Variants in RAB11FIP4 observed in about 807,000 individuals in gnomAD.
RAB11FIP4 encodes the protein RAB11 family interacting protein 4, also known as rab11 family-interacting protein 4.
A neutral mutation model predicts 74.3 loss-of-function variants in RAB11FIP4; 23 were observed. That is an observed-to-expected ratio of 0.31 (90% CI 0.22 to 0.44). RAB11FIP4 has a LOEUF of 0.44. Ranked by LOEUF, RAB11FIP4 falls within the 20% of genes least tolerant of loss-of-function variation. RAB11FIP4 has a pLI of 1.00. For synonymous variants in RAB11FIP4, 360 were observed against 359.9 expected (o/e 1.00, Z 0.00); for missense variants, 630 against 863.9 (o/e 0.73, Z 3.39).
chr17:31,453,502 T>A (rs112168052), intron 3 of RAB11FIP4, among the ~76,000 whole-genome samples: 3,301 of 152,074 alleles, frequency 0.022, 107 homozygotes, highest in African/African-American at 0.07. Context: ...CCTCACTTTC[T>A]TCACTTGCTA....
intron 14 of RAB11FIP4, among the ~76,000 whole-genome samples, 187 bp from the exon 15 acceptor site, chr17:31,531,429 G>C (rs988343126): frequency 7.9e-5 from 12 of 152,166 alleles, no homozygotes; most frequent in African/African-American, 2.9e-4. Flanking sequence ...GGTAATACTA[G>C]GGGCTGAGCC....
chr17:31,404,154 G>A lies in RAB11FIP4; in HGVS notation c.159+12143G>A, dbSNP rs114229267. On this transcript the variant is annotated intron_variant, in intron 1 of 14. Coordinates refer to ENST00000621161, the MANE Select transcript of RAB11FIP4 (RefSeq NM_032932.6). Reference sequence around the variant, plus strand: ...AGGTAATCCTCTGCAGGCCCAGGCTGTGTGGGGCTGAGTCTTCTTTGTCTC... The same window carrying A: ...AGGTAATCCTCTGCAGGCCCAGGCTATGTGGGGCTGAGTCTTCTTTGTCTC... Among the ~76,000 whole-genome samples, 976 of 152,356 alleles carry A rather than the reference G, an allele frequency of 6.4e-3. 8 individuals are homozygous for A. Among genetic ancestry groups the A allele is most frequent in the African/African-American group, 0.021 (873 of 41,578 alleles).
chr17:31,493,339 A>G (rs2072048441), intron 3 of RAB11FIP4, among the ~76,000 whole-genome samples: 1 of 152,166 alleles, frequency 6.6e-6, no homozygotes, highest in Admixed American at 6.5e-5. Flanking sequence ...AGGCCTAAAC[A>G]GAACTGGAGT....
Position 31,453,622 on chromosome 17 carries a change from C to T in RAB11FIP4, c.336+19500C>T, listed in dbSNP as rs532703814. Among the ~76,000 whole-genome samples, 365 of 151,384 alleles carry T rather than the reference C, an allele frequency of 2.4e-3. 1 individual carries two copies. Among genetic ancestry groups the T allele is most frequent in the Middle Eastern group, 0.017 (5 of 292 alleles). Reference sequence around the variant, plus strand: ...GGTGAATTACATGAGGTCAGGAGTTCGAGACCAGCCTGGCCAACATGGTGA... The same window carrying T: ...GGTGAATTACATGAGGTCAGGAGTTTGAGACCAGCCTGGCCAACATGGTGA... On this transcript the variant is annotated intron_variant, in intron 3 of 14. Coordinates refer to ENST00000621161, the MANE Select transcript of RAB11FIP4 (RefSeq NM_032932.6).
At chr17:31,437,529 G>A (rs2071371140) in intron 3 of RAB11FIP4, among the ~76,000 whole-genome samples, 1 of 152,144 alleles carries the variant, frequency 6.6e-6, no homozygotes, top group Non-Finnish European at 1.5e-5. Context: ...CCCAGGGAAC[G>A]CAAACCTGAG....
At chr17:31,437,452 C>T in intron 3 of RAB11FIP4, among the ~76,000 whole-genome samples, 1 of 152,120 alleles carries the variant, frequency 6.6e-6, no homozygotes, top group African/African-American at 2.4e-5. Context: ...TTAGCTGTCC[C>T]CTAGGGGTCA....
chr17:31,528,620 C>G lies in RAB11FIP4; in HGVS notation c.1495C>G (p.Leu499Val). The G allele has an allele frequency of 6.2e-7, 1 of 1,613,524 alleles. No individual in the cohort carries two copies. The highest frequency in any genetic ancestry group is 1.1e-5 in the South Asian group (1 of 91,054). ...FQKEREATQE[L>V]IEDLRKELEH... Reference sequence around the variant, plus strand: ...GCCAACCTGCTTCTCTCCCTCGCAGCTCATCGAGGACTTGCGGAAGGAGCT... The same window carrying G: ...GCCAACCTGCTTCTCTCCCTCGCAGGTCATCGAGGACTTGCGGAAGGAGCT... Residue 499 changes from leucine (L) to valine (V), a missense_variant and splice_region_variant, in exon 13 of 15, where the codon CTC becomes GTC. Coordinates refer to ENST00000621161, the MANE Select transcript of RAB11FIP4 (RefSeq NM_032932.6).
intron 3 of RAB11FIP4, among the ~76,000 whole-genome samples, chr17:31,442,896 G>C (rs917777812): frequency 6.6e-6 from 1 of 150,776 alleles, no homozygotes; most frequent in South Asian, 2.1e-4. Context: ...AGAGGCGGAG[G>C]TTGCAGTGAG....
At chr17:31,444,988 G>A (rs1428311108) in intron 3 of RAB11FIP4, among the ~76,000 whole-genome samples, 3 of 152,240 alleles carry the variant, frequency 2.0e-5, no homozygotes, top group Middle Eastern at 3.4e-3. Flanking sequence ...GATGTTCTCC[G>A]AGAAAGCACG....
intron 1 of RAB11FIP4, among the ~76,000 whole-genome samples, chr17:31,426,599 CTT>C (rs59839758): frequency 5.7e-5 from 7 of 122,058 alleles, no homozygotes; most frequent in African/African-American, 6.4e-5. Context: ...TTTTCTTTTC[CTT>C]TTTTTTTTTT....
chr17:31,471,846 C>T lies in RAB11FIP4; in HGVS notation c.336+37724C>T, dbSNP rs183121448. Among the ~76,000 whole-genome samples, 31 of 152,214 alleles carry T rather than the reference C, an allele frequency of 2.0e-4. No homozygotes were observed. The East Asian group carries it at 2.3e-3, about 11-fold the overall frequency. On this transcript the variant is annotated intron_variant, in intron 3 of 14. Coordinates refer to ENST00000621161, the MANE Select transcript of RAB11FIP4 (RefSeq NM_032932.6). ...CAGGGAGCCTTTTCAGGTGGGGAGG[C>T]GCCCTGGCTGAAGCCCTCAAATGCA...
intron 1 of RAB11FIP4, among the ~76,000 whole-genome samples, chr17:31,414,866 C>T (rs1268495894): frequency 6.6e-6 from 1 of 152,230 alleles, no homozygotes; most frequent in African/African-American, 2.4e-5. Flanking sequence ...AACTTACATG[C>T]TGAGGCAAGT....
intron 1 of RAB11FIP4, among the ~76,000 whole-genome samples, chr17:31,405,457 C>T (rs886638139): frequency 3.3e-5 from 5 of 152,066 alleles, no homozygotes; most frequent in Admixed American, 2.6e-4. Flanking sequence ...GCAGCCTCCA[C>T]CTCCCTGGTT....
rs1012199445 is a variant in RAB11FIP4 at position 31,448,408 on chromosome 17, TTTTG to T, written c.336+14287_336+14290del. On this transcript the variant is annotated intron_variant, in intron 3 of 14. Coordinates refer to ENST00000621161, the MANE Select transcript of RAB11FIP4 (RefSeq NM_032932.6). Reference sequence around the variant, plus strand: ...ATCCAGCTAATTTTTTTTTTTTTTTTTTTGGCAGAGACCGGGTCTAGCTATGTTG... The same window carrying T: ...ATCCAGCTAATTTTTTTTTTTTTTTTGCAGAGACCGGGTCTAGCTATGTTG... 5 of 144,374 alleles carry T rather than the reference TTTTG, an allele frequency of 3.5e-5. 1 individual carries two copies. Among genetic ancestry groups the T allele is most frequent in the South Asian group, 4.5e-4 (2 of 4,400 alleles). The allele number at this position is 144,374 out of a possible 1,614,324, so 8.9% of individuals were successfully genotyped here. A position where few individuals can be genotyped will look rare whatever the true frequency, so the allele number is the denominator to read the frequency against.
At chr17:31,495,366 ATTT>A (rs3058694) in intron 3 of RAB11FIP4, among the ~76,000 whole-genome samples, 2,964 of 83,062 alleles carry the variant, frequency 0.036, 118 homozygotes, top group African/African-American at 0.11. Context: ...CACTTGACTG[ATTT>A]TTTTTTTTTT....
At chr17:31,514,283 A>C (rs150425140) in intron 3 of RAB11FIP4, among the ~76,000 whole-genome samples, 3 of 152,206 alleles carry the variant, frequency 2.0e-5, no homozygotes, top group African/African-American at 7.2e-5. Context: ...GCCAGGTGTT[A>C]GTGGGGCAGT....
At chr17:31,510,929 G>A (rs963717860) in intron 3 of RAB11FIP4, among the ~76,000 whole-genome samples, 5 of 152,204 alleles carry the variant, frequency 3.3e-5, no homozygotes, top group African/African-American at 1.2e-4. Context: ...GCTGAGCTGG[G>A]AGGATCACTT....
chr17:31,494,326 G>C (rs931507255), intron 3 of RAB11FIP4, among the ~76,000 whole-genome samples: 1 of 152,004 alleles, frequency 6.6e-6, no homozygotes, highest in African/African-American at 2.4e-5. Context: ...CACAGGGTTC[G>C]TGGTAAGAGG....
Position 31,447,250 on chromosome 17 carries a change from C to G in RAB11FIP4, c.336+13128C>G, listed in dbSNP as rs1041236774. ...AATGAGCCGAGATTGTGCCACTGCA[C>G]TCCAACCTGGGCCACAGAGCGTGAG... On this transcript the variant is annotated intron_variant, in intron 3 of 14. Transcript: ENST00000621161. Among the ~76,000 whole-genome samples, 3 of 152,352 alleles carry G rather than the reference C, an allele frequency of 2.0e-5. No individual in the cohort carries two copies. The South Asian group carries it at 6.2e-4, about 32-fold the overall frequency.
Sources: allele counts gnomAD v4.1 joint callset (sites outside exome capture counted in the v4.1 genomes callset), GRCh38; gene constraint gnomAD v4.1.1; transcripts MANE v1.5; gene names NCBI Gene and HGNC (gene_info 2026-07-23, HGNC 2026-07-21).